The following BCAR3 variants were observed in gnomAD, a reference collection of about 807,000 sequenced individuals.
The protein encoded by BCAR3 is BCAR3 adaptor protein, NSP family member.
Under a neutral mutation model 80.1 loss-of-function variants are expected in BCAR3, and 37 were observed. The ratio of observed to expected loss-of-function variants is 0.46; its 90% CI spans 0.36 to 0.61. The LOEUF (loss-of-function observed/expected upper bound fraction) is 0.61, where lower values mean the gene tolerates loss of function less well. BCAR3 is among the 20% of genes least tolerant of loss of function. The pLI, the probability that BCAR3 is intolerant of heterozygous loss-of-function variation, is 0.00. For missense variants in BCAR3, 978 were observed against 1,068.2 expected, an observed-to-expected ratio of 0.92 and a Z score of 1.18; for synonymous variants, 389 against 418.9, an observed-to-expected ratio of 0.93 and a Z score of 0.87.
chr1:93,834,470 A>C (rs1349780089), intron 2 of BCAR3, among the ~76,000 whole-genome samples: 1 of 152,148 alleles, frequency 6.6e-6, no homozygotes, highest in Non-Finnish European at 1.5e-5. Context: ...AGCTGCTCCC[A>C]TACTAGCTCT....
intron 2 of BCAR3, among the ~76,000 whole-genome samples, chr1:93,667,514 T>G (rs1326500823): frequency 6.6e-6 from 1 of 152,240 alleles, no homozygotes; most frequent in Non-Finnish European, 1.5e-5. Context: ...ATTATCTGTC[T>G]TGTGTTTTTT....
intron 8 of BCAR3, among the ~76,000 whole-genome samples, chr1:93,573,633 A>T (rs56048523): frequency 0.2 from 27,333 of 135,326 alleles, 3,467 homozygotes; most frequent in African/African-American, 0.32. Context: ...TATTATTATT[A>T]TTTTTTTTTT....
At chr1:93,626,922 T>C (rs941860857) in intron 3 of BCAR3, among the ~76,000 whole-genome samples, 5 of 152,226 alleles carry the variant, frequency 3.3e-5, no homozygotes, top group African/African-American at 1.2e-4. Context: ...TCAAAGAATG[T>C]CTGACAAACT....
At position 93,674,870 on chromosome 1, in the gene BCAR3, G is replaced by T; in HGVS notation, c.61C>A (p.Leu21Met). Reference protein sequence around the residue: ...RNMPVNHQFPLASSMDLLSSR... With the variant: ...RNMPVNHQFPMASSMDLLSSR... Reference sequence around the variant, plus strand: ...CTCAGAAGGTCCATGGATGAGGCCAGGGGGAACTGGTGATTCACCGGCATG... The same window carrying T: ...CTCAGAAGGTCCATGGATGAGGCCATGGGGAACTGGTGATTCACCGGCATG... Residue 21 changes from leucine (L) to methionine (M), a missense_variant, in exon 2 of 12, where the codon CTG becomes ATG. Coordinates refer to ENST00000260502, the MANE Select transcript of BCAR3 (RefSeq NM_003567.4). 2 of 1,583,596 alleles carry T rather than the reference G, an allele frequency of 1.3e-6. No homozygotes were observed. Among genetic ancestry groups the T allele is most frequent in the Non-Finnish European group, 1.7e-6 (2 of 1,170,020 alleles).
chr1:93,592,226 A>G lies in BCAR3; in HGVS notation c.486+39T>C. ...GTCATCAATCTGTACATTGCCTGAGAGCAGCCGTGTATGCTCTGGAAGGGA... is the reference window on the plus strand; with the variant it reads ...GTCATCAATCTGTACATTGCCTGAGGGCAGCCGTGTATGCTCTGGAAGGGA... On this transcript the variant is annotated intron_variant, in intron 4 of 11. Coordinates refer to ENST00000260502, the MANE Select transcript of BCAR3 (RefSeq NM_003567.4). This position sits in a 1 kb window ranked among gnomAD's most constrained non-coding sequence, Gnocchi z 4.8. The G allele has an allele frequency of 1.2e-6, 2 of 1,611,946 alleles. No individual in the cohort carries two copies. Among genetic ancestry groups the G allele is most frequent in the South Asian group, 1.1e-5 (1 of 91,026 alleles).
intron 2 of BCAR3, among the ~76,000 whole-genome samples, chr1:93,800,055 G>A (rs188081863): frequency 6.6e-6 from 1 of 152,260 alleles, no homozygotes; most frequent in East Asian, 1.9e-4. Flanking sequence ...CATGCTGGGA[G>A]GATGGGAGTA....
At position 93,656,721 on chromosome 1, in the gene BCAR3, A is replaced by G. The variant is rs78098872; in HGVS notation, c.318-14378T>C. Among the ~76,000 whole-genome samples the G allele has an allele frequency of 5.1e-3, 781 of 151,714 alleles. 6 individuals are homozygous for G. Among genetic ancestry groups the G allele is most frequent in the South Asian group, 0.018 (87 of 4,806 alleles). ...TGGGCTTAAACGATCTTCCTGCTGCAGCCTCCTGAATAGCTAGGACTACAG... is the reference window on the plus strand; with the variant it reads ...TGGGCTTAAACGATCTTCCTGCTGCGGCCTCCTGAATAGCTAGGACTACAG... On this transcript the variant is annotated intron_variant, in intron 2 of 11. Coordinates refer to ENST00000260502, the MANE Select transcript of BCAR3 (RefSeq NM_003567.4).
intron 2 of BCAR3, among the ~76,000 whole-genome samples, chr1:93,739,208 G>A (rs896821163): frequency 3.9e-5 from 6 of 152,236 alleles, no homozygotes; most frequent in Middle Eastern, 3.4e-3. Flanking sequence ...GACAGCTGCC[G>A]CAACCTTAGA....
chr1:93,660,010 C>T (rs1294268485), intron 2 of BCAR3, among the ~76,000 whole-genome samples: 3 of 152,084 alleles, frequency 2.0e-5, no homozygotes, highest in African/African-American at 7.2e-5. Context: ...ACCTTTGTAC[C>T]TCCCGTGCAG....
chr1:93,772,078 C>T (rs1315458774), intron 2 of BCAR3, among the ~76,000 whole-genome samples: 1 of 152,164 alleles, frequency 6.6e-6, no homozygotes, highest in Non-Finnish European at 1.5e-5. Context: ...ATGATTTGTT[C>T]TAGCCTCATC....
chr1:93,564,064 A>G (rs1483419880), intron 11 of BCAR3, among the ~76,000 whole-genome samples: 1 of 151,642 alleles, frequency 6.6e-6, no homozygotes, highest in Non-Finnish European at 1.5e-5. Context: ...TTAAATTTAC[A>G]TTTCCCTAAT....
At position 93,734,479 on chromosome 1, in the gene BCAR3, A is replaced by G. The variant is rs752634231; in HGVS notation, c.-62-28337T>C. Among the ~76,000 whole-genome samples the G allele has an allele frequency of 3.0e-4, 46 of 152,306 alleles. 1 individual carries two copies. The highest frequency in any genetic ancestry group is 1.5e-5 in the Non-Finnish European group (1 of 68,026). On this transcript the variant is annotated intron_variant, in intron 2 of 13. Coordinates refer to the BCAR3 transcript ENST00000370244. ...CACTGAGGCCAAAGGAGGGAGACAC[A>G]CAAGAGTGTGCTCTGACCTGGGCTG... is the stretch of plus-strand genomic sequence containing the variant.
At chr1:93,576,208 C>T (rs1673450434) in intron 7 of BCAR3, 79 bp from the exon 8 acceptor site, 1 of 1,046,662 alleles carries the variant, frequency 9.6e-7, no homozygotes, top group African/African-American at 1.8e-5. Context: ...TGAGAAGAAA[C>T]ACACTGAACT....
chr1:93,808,610 A>G (rs1215644591), intron 2 of BCAR3, among the ~76,000 whole-genome samples: 1 of 152,252 alleles, frequency 6.6e-6, no homozygotes, highest in East Asian at 1.9e-4. Flanking sequence ...CAACCACGTT[A>G]CAGACCCAGA....
chr1:93,566,990 A>G (rs1031708441), intron 11 of BCAR3, among the ~76,000 whole-genome samples: 3 of 152,104 alleles, frequency 2.0e-5, no homozygotes, highest in Non-Finnish European at 2.9e-5. Context: ...AGCCTCCCAG[A>G]GTGCTGGGAT....
intron 2 of BCAR3, chr1:93,754,204 T>C (rs1651670566): frequency 6.6e-6 from 1 of 152,234 alleles, no homozygotes; most frequent in South Asian, 2.1e-4. Flanking sequence ...AATTCTGCCC[T>C]GTACTTGCAA....
At chr1:93,809,034 A>T (rs1038455500) in intron 2 of BCAR3, among the ~76,000 whole-genome samples, 2 of 152,208 alleles carry the variant, frequency 1.3e-5, no homozygotes, top group South Asian at 2.1e-4. Flanking sequence ...GAGGTTGGGA[A>T]GTAGAAGAGA....
intron 2 of BCAR3, among the ~76,000 whole-genome samples, chr1:93,667,046 T>C (rs907308952): frequency 3.3e-5 from 5 of 152,192 alleles, no homozygotes; most frequent in Non-Finnish European, 7.4e-5. Context: ...ATCTGATCCT[T>C]AGAGTCACCC....
At chr1:93,647,404 A>T (rs1206985351) in intron 2 of BCAR3, among the ~76,000 whole-genome samples, 1 of 152,236 alleles carries the variant, frequency 6.6e-6, no homozygotes, top group Non-Finnish European at 1.5e-5. Context: ...CTGAGACCAG[A>T]ACATAAAAAC....
Sources: allele counts gnomAD v4.1 joint callset (sites outside exome capture counted in the v4.1 genomes callset), GRCh38; gene constraint gnomAD v4.1.1; non-coding constraint Gnocchi (gnomAD v3.1); transcripts MANE v1.5; gene names NCBI Gene and HGNC (gene_info 2026-07-23, HGNC 2026-07-21).